MAGI2: variants seen among roughly 807,000 people sequenced by gnomAD.
MAGI2 encodes the protein membrane associated guanylate kinase, WW and PDZ domain containing 2.
In MAGI2, 35 loss-of-function variants were observed where a neutral mutation model predicts 133.3. The ratio of observed to expected loss-of-function variants is 0.26; its 90% CI spans 0.20 to 0.35. The LOEUF (loss-of-function observed/expected upper bound fraction) is 0.35. MAGI2 is among the 10% of genes least tolerant of loss of function. The pLI is 1.00. For synonymous variants in MAGI2, 729 were observed against 710.6 expected (o/e 1.03, Z -0.41); for missense variants, 1,636 against 1,863.4 (o/e 0.88, Z 2.25).
At chr7:78,314,182 C>T (rs553399519) in intron 9 of MAGI2, among the ~76,000 whole-genome samples, 18 of 152,036 alleles carry the variant, frequency 1.2e-4, no homozygotes, top group South Asian at 6.3e-4. Context: ...TGGCATTAGC[C>T]CAGAAGAAGG....
chr7:78,256,383 A>G lies in MAGI2; in HGVS notation c.1607T>C (p.Val536Ala). The G allele has an allele frequency of 6.2e-7, 1 of 1,613,966 alleles. No homozygotes were observed. Among genetic ancestry groups the G allele is most frequent in the Non-Finnish European group, 8.5e-7 (1 of 1,179,968 alleles). The change falls in exon 10 of 22, where the codon GTG (valine) becomes GCG (alanine). Residue 536 changes from valine to alanine, a missense_variant. Val to Ala is a moderately conservative substitution (Grantham distance 64, BLOSUM62 0). Transcript: ENST00000354212. The part of the protein sequence containing the change: ...PLAIMERPPP[V>A]MVNGRHNYET... ...ATAGTTGTGTCTTCCATTGACCATC[A>G]CTGGAGGTGGCCTCTCCATTATTGC...
intron 2 of MAGI2, among the ~76,000 whole-genome samples, chr7:78,728,113 A>C (rs1820997664): frequency 6.6e-6 from 1 of 152,200 alleles, no homozygotes; most frequent in Non-Finnish European, 1.5e-5. Context: ...CAATCCACTC[A>C]AACTTTTGTG....
chr7:78,973,286 G>A lies in MAGI2; in HGVS notation c.418+33804C>T, dbSNP rs114884780. 2.5e-3 allele frequency among the ~76,000 whole-genome samples: 379 copies of A among 151,838 alleles called. 2 individuals carry two copies. Among genetic ancestry groups the A allele is most frequent in the Middle Eastern group, 0.014 (4 of 294 alleles). ...GTATGTCCTTCTAGGTATAACTATT[G>A]TTTAGCTGAAACTTACTTCTTTTGC... On this transcript the variant is annotated intron_variant, in intron 2 of 21. Transcript: ENST00000354212.
At chr7:79,372,448 A>C (rs1843107268) in intron 1 of MAGI2, among the ~76,000 whole-genome samples, 1 of 152,130 alleles carries the variant, frequency 6.6e-6, no homozygotes, top group South Asian at 2.1e-4. Context: ...AATAGACTAG[A>C]CTTAGAGTAG....
intron 7 of MAGI2, among the ~76,000 whole-genome samples, chr7:78,364,031 T>G (rs1431113176): frequency 5.9e-5 from 9 of 151,774 alleles, no homozygotes; most frequent in Non-Finnish European, 1.0e-4. Context: ...TTCCTCCTCC[T>G]CCTCCCTCCT....
chr7:78,843,223 G>A (rs1584115172), intron 2 of MAGI2, among the ~76,000 whole-genome samples: 1 of 151,944 alleles, frequency 6.6e-6, no homozygotes, highest in East Asian at 1.9e-4. Flanking sequence ...AACTACATGT[G>A]GATGTGTTTC....
At chr7:79,037,259 G>A (rs1386804730) in intron 1 of MAGI2, among the ~76,000 whole-genome samples, 1 of 152,164 alleles carries the variant, frequency 6.6e-6, no homozygotes, top group Non-Finnish European at 1.5e-5. Context: ...GACAGTCATT[G>A]TGTAAAACCA....
At chr7:78,467,555 A>G (rs886098341) in intron 6 of MAGI2, among the ~76,000 whole-genome samples, 3 of 151,858 alleles carry the variant, frequency 2.0e-5, no homozygotes, top group Non-Finnish European at 2.9e-5. Context: ...CTTAGAGGGT[A>G]TTATTGGCAG....
intron 1 of MAGI2, among the ~76,000 whole-genome samples, chr7:79,358,189 G>A (rs1026662136): frequency 8.6e-5 from 13 of 151,398 alleles, no homozygotes; most frequent in East Asian, 5.8e-4. Context: ...CCCACCTAAC[G>A]CCAACACTTC....
intron 2 of MAGI2, among the ~76,000 whole-genome samples, chr7:78,880,622 A>T (rs1015336489): frequency 6.6e-6 from 1 of 152,218 alleles, no homozygotes; most frequent in Non-Finnish European, 1.5e-5. Context: ...CCACAGAAAC[A>T]CACTTAAGTC....
rs143182733 is a variant in MAGI2 at position 79,357,641 on chromosome 7, T to C, written c.301+95379A>G. On this transcript the variant is annotated intron_variant, in intron 1 of 21. Coordinates refer to ENST00000354212, the MANE Select transcript of MAGI2 (RefSeq NM_012301.4). ...AAGATCTATGACATTAATCACACCATGCCCTTCCATCTCTGTCCAAAAGGG... is the reference window on the plus strand; with the variant it reads ...AAGATCTATGACATTAATCACACCACGCCCTTCCATCTCTGTCCAAAAGGG... Among the ~76,000 whole-genome samples, 1,054 of 152,246 alleles carry C rather than the reference T, an allele frequency of 6.9e-3. 8 individuals carry two copies. The highest frequency in any genetic ancestry group is 0.024 in the African/African-American group (1,008 of 41,558).
In MAGI2 at chr7:78,936,748, C is replaced by T. The variant is rs556191165; in HGVS notation, c.418+70342G>A. On this transcript the variant is annotated intron_variant, in intron 2 of 21. Coordinates refer to ENST00000354212, the MANE Select transcript of MAGI2 (RefSeq NM_012301.4). The stretch of plus-strand genomic sequence containing the variant: ...TAGTGTGTATAAGTAAAGATAGGTT[C>T]CTCTACTGTCAGGGAAAATAGTTAA... 3.3e-5 allele frequency among the ~76,000 whole-genome samples: 5 copies of T among 152,024 alleles called. No individual in the cohort carries two copies. The South Asian group carries it at 1.0e-3, about 32-fold the overall frequency.
At chr7:78,512,393 T>A (rs1454155134) in intron 4 of MAGI2, among the ~76,000 whole-genome samples, 2 of 152,126 alleles carry the variant, frequency 1.3e-5, no homozygotes, top group Non-Finnish European at 2.9e-5. Context: ...ATGATTTATA[T>A]ATGTAATTTT....
chr7:78,133,747 G>A (rs1289327295), intron 17 of MAGI2, among the ~76,000 whole-genome samples: 2 of 152,286 alleles, frequency 1.3e-5, no homozygotes, highest in South Asian at 2.1e-4. Context: ...GATTTTCAGC[G>A]AGCAATCTTG....
chr7:79,435,969 A>G (rs138706926), intron 1 of MAGI2, among the ~76,000 whole-genome samples: 67 of 152,216 alleles, frequency 4.4e-4, no homozygotes, highest in African/African-American at 1.5e-3. Flanking sequence ...AAAGCTTCAC[A>G]CCTATACCAA....
At chr7:78,758,918 C>A (rs1824217643) in intron 2 of MAGI2, among the ~76,000 whole-genome samples, 1 of 152,188 alleles carries the variant, frequency 6.6e-6, no homozygotes, top group Non-Finnish European at 1.5e-5. Context: ...TAATCTGTCA[C>A]ATTCAAATAA....
intron 1 of MAGI2, among the ~76,000 whole-genome samples, chr7:79,339,531 T>A (rs943301653): frequency 3.9e-4 from 59 of 151,934 alleles, no homozygotes; most frequent in African/African-American, 1.3e-3. Context: ...TTGTTATTTG[T>A]ATATTTTTAA....
intron 2 of MAGI2, among the ~76,000 whole-genome samples, chr7:78,639,599 A>C (rs1437058715): frequency 6.6e-6 from 1 of 152,234 alleles, no homozygotes; most frequent in Non-Finnish European, 1.5e-5. Flanking sequence ...TGAAAAGCAG[A>C]ACAAAAATTC....
chr7:79,124,360 C>A (rs1180536843), intron 1 of MAGI2, among the ~76,000 whole-genome samples: 3 of 152,104 alleles, frequency 2.0e-5, no homozygotes, highest in Non-Finnish European at 4.4e-5. Flanking sequence ...AATTTCATTG[C>A]TCATGTACTC....
Sources: allele counts gnomAD v4.1 joint callset (sites outside exome capture counted in the v4.1 genomes callset), GRCh38; gene constraint gnomAD v4.1.1; transcripts MANE v1.5; gene names NCBI Gene and HGNC (gene_info 2026-07-23, HGNC 2026-07-21).